Variants in PCDH15 observed in about 807,000 individuals in gnomAD.
PCDH15 encodes the protein protocadherin-15.
PCDH15 carries 129 observed loss-of-function variants against 178.5 expected under a neutral mutation model. The ratio of observed to expected loss-of-function variants is 0.72; its 90% CI spans 0.63 to 0.84. The LOEUF (loss-of-function observed/expected upper bound fraction) is 0.84, where lower values mean the gene tolerates loss of function less well. Ranked by LOEUF, PCDH15 falls within the 40% of genes least tolerant of loss-of-function variation. The probability of loss-of-function intolerance (pLI) is 0.00; values close to 1 mark genes in which losing one functional copy is unlikely to be tolerated. For synonymous variants in PCDH15, 800 were observed against 732.0 expected, an observed-to-expected ratio of 1.09 and a Z score of -1.50; for missense variants, 2,230 against 2,099.9, an observed-to-expected ratio of 1.06 and a Z score of -1.21.
At chr10:54,594,248 C>A (rs1189030489) in intron 2 of PCDH15, among the ~76,000 whole-genome samples, 1 of 152,114 alleles carries the variant, frequency 6.6e-6, no homozygotes, top group Admixed American at 6.5e-5. Flanking sequence ...GCAGCAGAGC[C>A]CATGGGGTTT....
chr10:55,077,372 T>C (rs1041732669), intron 2 of PCDH15, among the ~76,000 whole-genome samples: 1 of 152,142 alleles, frequency 6.6e-6, no homozygotes, highest in Non-Finnish European at 1.5e-5. Context: ...CTTATTTTTT[T>C]GTCCCTATGG....
intron 1 of PCDH15, among the ~76,000 whole-genome samples, chr10:55,177,901 A>G (rs1002909116): frequency 6.6e-6 from 1 of 152,172 alleles, no homozygotes; most frequent in African/African-American, 2.4e-5. Flanking sequence ...TCCATAAAGC[A>G]GGGTATGCAG....
At chr10:54,086,401 T>G (rs2094517733) in intron 16 of PCDH15, among the ~76,000 whole-genome samples, 1 of 152,094 alleles carries the variant, frequency 6.6e-6, no homozygotes, top group South Asian at 2.1e-4. Context: ...AGGCCCCATC[T>G]CCAACATGAG....
intron 1 of PCDH15, among the ~76,000 whole-genome samples, chr10:54,708,164 C>T (rs1473330860): frequency 3.9e-5 from 6 of 152,244 alleles, no homozygotes; most frequent in South Asian, 2.1e-4. Flanking sequence ...GCCAAGACCA[C>T]GACACAGAGG....
At chr10:54,691,618 A>G (rs984841889) in intron 1 of PCDH15, among the ~76,000 whole-genome samples, 2 of 151,750 alleles carry the variant, frequency 1.3e-5, no homozygotes, top group African/African-American at 4.8e-5. Flanking sequence ...TTTGAATGGC[A>G]ATGCTTAACT....
chr10:54,159,517 AT>A (rs779526865), intron 13 of PCDH15, among the ~76,000 whole-genome samples: 38 of 152,162 alleles, frequency 2.5e-4, no homozygotes, highest in Non-Finnish European at 3.8e-4. Context: ...AAAATTACAT[AT>A]TTTAAATGCT....
At chr10:54,632,847 A>ACTTGAAC (rs1426086620) in intron 2 of PCDH15, among the ~76,000 whole-genome samples, 1 of 152,136 alleles carries the variant, frequency 6.6e-6, no homozygotes, top group Non-Finnish European at 1.5e-5. Flanking sequence ...ACCTCAAAGG[A>ACTTGAAC]CTTGAACAAG....
intron 2 of PCDH15, among the ~76,000 whole-genome samples, chr10:55,044,833 T>C (rs540246519): frequency 6.6e-6 from 1 of 152,176 alleles, no homozygotes; most frequent in African/African-American, 2.4e-5. Flanking sequence ...GCTAGAAACA[T>C]AGGGAATGAG....
chr10:55,540,482 C>A (rs1397144800), intron 2 of PCDH15, among the ~76,000 whole-genome samples: 3 of 152,078 alleles, frequency 2.0e-5, no homozygotes, highest in African/African-American at 7.2e-5. Flanking sequence ...TTTCCTATTG[C>A]ATAAAATCTC....
chr10:54,708,357 T>C (rs1004274793), intron 1 of PCDH15, among the ~76,000 whole-genome samples: 1 of 152,170 alleles, frequency 6.6e-6, no homozygotes, highest in Non-Finnish European at 1.5e-5. Context: ...TTGCATCAAG[T>C]AAAATAGACT....
intron 8 of PCDH15, among the ~76,000 whole-genome samples, chr10:54,276,319 A>T (rs549754449): frequency 2.8e-4 from 42 of 151,920 alleles, no homozygotes; most frequent in African/African-American, 1.0e-3. Context: ...ACAACCCTAT[A>T]GAAAAATGGG....
chr10:55,375,276 A>G (rs537872039), intron 2 of PCDH15, among the ~76,000 whole-genome samples: 1 of 152,260 alleles, frequency 6.6e-6, no homozygotes, highest in East Asian at 1.9e-4. Context: ...GGAAAACTTA[A>G]GAAAGAATGG....
intron 26 of PCDH15, among the ~76,000 whole-genome samples, chr10:53,897,159 G>A (rs1406614002): frequency 2.0e-5 from 3 of 148,678 alleles, no homozygotes; most frequent in African/African-American, 4.9e-5. Flanking sequence ...ACTCAGAATT[G>A]TGGGGAGGCT....
At chr10:55,456,602 A>C (rs1839559773) in intron 2 of PCDH15, among the ~76,000 whole-genome samples, 1 of 152,070 alleles carries the variant, frequency 6.6e-6, no homozygotes, top group African/African-American at 2.4e-5. Context: ...CTTATTGAAT[A>C]TTTTCAATCT....
intron 15 of PCDH15, among the ~76,000 whole-genome samples, chr10:54,130,483 T>G (rs2042346245): frequency 6.6e-6 from 1 of 152,144 alleles, no homozygotes; most frequent in Non-Finnish European, 1.5e-5. Flanking sequence ...ATAACAGGTT[T>G]GAGAAAGCAG....
At chr10:54,415,961 A>G (rs1046108148) in intron 3 of PCDH15, among the ~76,000 whole-genome samples, 13 of 151,896 alleles carry the variant, frequency 8.6e-5, no homozygotes, top group African/African-American at 3.1e-4. Flanking sequence ...TTTTTTAAAA[A>G]ATCGACTTTT....
intron 2 of PCDH15, among the ~76,000 whole-genome samples, chr10:55,434,608 T>C (rs909664887): frequency 8.1e-5 from 6 of 74,140 alleles, no homozygotes; most frequent in South Asian, 8.9e-4. Flanking sequence ...AGTCATGACA[T>C]TAATTTTTTT....
intron 9 of PCDH15, among the ~76,000 whole-genome samples, chr10:54,230,456 C>T (rs2053935456): frequency 6.6e-6 from 1 of 152,090 alleles, no homozygotes; most frequent in African/African-American, 2.4e-5. Context: ...AATATGGTAA[C>T]TGTGAAATAT....
chr10:54,033,778 T>C (rs2093355238), intron 18 of PCDH15, among the ~76,000 whole-genome samples: 1 of 152,010 alleles, frequency 6.6e-6, no homozygotes, highest in Non-Finnish European at 1.5e-5. Context: ...CTATTTTAAA[T>C]AGTCTTCTCT....
Sources: gnomAD v4.1 joint callset for allele counts (sites outside exome capture counted in the v4.1 genomes callset) on GRCh38, gnomAD v4.1.1 for gene constraint, MANE v1.5 for transcripts, NCBI Gene and HGNC (gene_info 2026-07-23, HGNC 2026-07-21) for gene names.